DEFA6: variants seen among roughly 807,000 people sequenced by gnomAD.
DEFA6 encodes the protein defensin alpha 6.
Under a neutral mutation model 5.1 loss-of-function variants are expected in DEFA6, and 8 were observed. That is an observed-to-expected ratio of 1.57 (90% confidence interval 0.92 to 2.83). DEFA6 has a LOEUF of 2.83. DEFA6 is among the 30% of genes most tolerant of loss of function. The pLI, the probability that DEFA6 is intolerant of heterozygous loss-of-function variation, is 0.00. For synonymous variants in DEFA6, 74 were observed against 45.3 expected (o/e 1.63, Z -2.54); for missense variants, 191 against 119.1 (o/e 1.60, Z -2.81).
In DEFA6 at chr8:6,924,776, C is replaced by G; in HGVS notation, c.*42G>C. 1 of 1,414,534 alleles carries G rather than the reference C, an allele frequency of 7.1e-7. No individual in the cohort carries two copies. Among genetic ancestry groups the G allele is most frequent in the Non-Finnish European group, 9.9e-7 (1 of 1,012,196 alleles). The allele number at this position is 1,414,534 out of a possible 1,614,324, so 87.6% of individuals were successfully genotyped here. ...GACACACGACAGTTTCCTTCTAGGTCATAAAGTAAATTATGAATATATTTC... is the reference window on the plus strand; with the variant it reads ...GACACACGACAGTTTCCTTCTAGGTGATAAAGTAAATTATGAATATATTTC... On this transcript the variant is annotated 3_prime_UTR_variant, in exon 2 of 2. Coordinates refer to ENST00000297436, the MANE Select transcript of DEFA6 (RefSeq NM_001926.4).
Position 6,924,945 on chromosome 8 carries a change from G to T in DEFA6, c.194-18C>A. 2 of 1,564,130 alleles carry T rather than the reference G, an allele frequency of 1.3e-6. No homozygotes were observed. Among genetic ancestry groups the T allele is most frequent in the Non-Finnish European group, 1.8e-6 (2 of 1,138,134 alleles). On this transcript the variant is annotated intron_variant, in intron 1 of 1. Coordinates refer to ENST00000297436, the MANE Select transcript of DEFA6 (RefSeq NM_001926.4). ...TGTTGAGCCTGGGGACAGAGAGAGAGAGCATCAGAAATTGAGCACCAGGGT... is the reference window on the plus strand; with the variant it reads ...TGTTGAGCCTGGGGACAGAGAGAGATAGCATCAGAAATTGAGCACCAGGGT...
Position 6,925,999 on chromosome 8 carries a change from C to T in DEFA6, c.37G>A (p.Val13Met), listed in dbSNP as rs555539313. 2.8e-5 allele frequency: 45 copies of T among 1,613,034 alleles called. No homozygotes were observed. The highest frequency in any genetic ancestry group is 3.4e-5 in the Non-Finnish European group (40 of 1,179,654). ...TLTILTAVLLVALQAKAEPLQ... is the reference protein window; with the variant it reads ...TLTILTAVLLMALQAKAEPLQ... ...GGCTCAGCCTTGGCCTGGAGGGCCA[C>T]GAGGAGAACAGCAGTGAGGATGGTG... is the stretch of plus-strand genomic sequence containing the variant. Residue 13 changes from valine (V) to methionine (M), a missense_variant, in exon 1 of 2, where the codon GTG becomes ATG. Coordinates refer to ENST00000297436, the MANE Select transcript of DEFA6 (RefSeq NM_001926.4).
intron 1 of DEFA6, 46 bp downstream of exon 1, chr8:6,925,797 G>A: frequency 6.6e-7 from 1 of 1,522,204 alleles, no homozygotes; most frequent in South Asian, 1.3e-5. Flanking sequence ...GAAGTGCTTG[G>A]TTTTCCTCTC....
Position 6,924,857 on chromosome 8 carries a change from G to A in DEFA6, c.264C>T (p.Cys88=), listed in dbSNP as rs770892638. The stretch of plus-strand genomic sequence containing the variant: ...ATCTGTGGTTAATACCCATGACAGT[G>A]CAGGTCCCATAGGAATATTCTGTTG... ...CYSTEYSYGT[C]TVMGINHRFC... Residue 88 remains cysteine, a synonymous_variant, in exon 2 of 2, where the codon TGC becomes TGT. Coordinates refer to ENST00000297436, the MANE Select transcript of DEFA6 (RefSeq NM_001926.4). 1 of 1,611,578 alleles carries A rather than the reference G, an allele frequency of 6.2e-7. No individual in the cohort carries two copies. The highest frequency in any genetic ancestry group is 1.3e-5 in the African/African-American group (1 of 74,894).
Position 6,924,852 on chromosome 8 carries a change from A to T in DEFA6, c.269T>A (p.Val90Asp). 6.2e-7 allele frequency: 1 copy of T among 1,611,206 alleles called. No homozygotes were observed. The highest frequency in any genetic ancestry group is 8.5e-7 in the Non-Finnish European group (1 of 1,177,522). Residue 90 changes from valine (V) to aspartate (D), a missense_variant, in exon 2 of 2, where the codon GTC becomes GAC. Physicochemically the swap from Val to Asp is radical, Grantham distance 152. Coordinates refer to ENST00000297436, the MANE Select transcript of DEFA6 (RefSeq NM_001926.4). ...STEYSYGTCT[V>D]MGINHRFCCL ...GCAGAATCTGTGGTTAATACCCATG[A>T]CAGTGCAGGTCCCATAGGAATATTC...
chr8:6,925,301 A>T (rs1260152912), intron 1 of DEFA6, among the ~76,000 whole-genome samples: 2 of 152,152 alleles, frequency 1.3e-5, no homozygotes, highest in East Asian at 3.9e-4. Context: ...TGGGTTTATC[A>T]CAAGGTCAGG....
rs1808425534 is a variant in DEFA6 at position 6,926,008 on chromosome 8, C to T, written c.28G>A (p.Val10Ile). ...TTGGCCTGGAGGGCCACGAGGAGAACAGCAGTGAGGATGGTGAGGGTTCTC... is the reference window on the plus strand; with the variant it reads ...TTGGCCTGGAGGGCCACGAGGAGAATAGCAGTGAGGATGGTGAGGGTTCTC... The part of the protein sequence containing the change: MRTLTILTA[V>I]LLVALQAKAE... Residue 10 changes from valine (V) to isoleucine (I), a missense_variant, in exon 1 of 2, where the codon GTT (valine) becomes ATT (isoleucine). Coordinates refer to ENST00000297436, the MANE Select transcript of DEFA6 (RefSeq NM_001926.4). The T allele has an allele frequency of 1.9e-6, 3 of 1,612,556 alleles. No individual in the cohort carries two copies. The highest frequency in any genetic ancestry group is 2.5e-6 in the Non-Finnish European group (3 of 1,179,472).
Position 6,925,835 on chromosome 8 carries a change from T to G in DEFA6, c.193+8A>C. 1 of 1,603,592 alleles carries G rather than the reference T, an allele frequency of 6.2e-7. No homozygotes were observed. Among genetic ancestry groups the G allele is most frequent in the South Asian group, 1.1e-5 (1 of 88,906 alleles). On this transcript the variant is annotated splice_region_variant and intron_variant, in intron 1 of 1. Coordinates refer to ENST00000297436, the MANE Select transcript of DEFA6 (RefSeq NM_001926.4). ...CACTCCTAGCTCTGCAATGCTGGTG[T>G]CTCTTACCCAAAGCTCTAAGACTTG...
chr8:6,925,378 T>C (rs1299756849), intron 1 of DEFA6, among the ~76,000 whole-genome samples: 2 of 151,658 alleles, frequency 1.3e-5, no homozygotes, highest in Non-Finnish European at 2.9e-5. Flanking sequence ...AAATACAAAA[T>C]TTAGCCAGGC....
At chr8:6,925,578 C>G (rs1028487364) in intron 1 of DEFA6, among the ~76,000 whole-genome samples, 12 of 152,186 alleles carry the variant, frequency 7.9e-5, no homozygotes, top group African/African-American at 1.2e-4. Flanking sequence ...AAATTAGGCT[C>G]TCTTCCTTGA....
At chr8:6,925,627 T>C (rs1453691193) in intron 1 of DEFA6, among the ~76,000 whole-genome samples, 1 of 152,184 alleles carries the variant, frequency 6.6e-6, no homozygotes, top group Non-Finnish European at 1.5e-5. Flanking sequence ...TGGCAAAAAA[T>C]TAGAAAATTT....
At chr8:6,924,980 G>C in intron 1 of DEFA6, 53 bp from the exon 2 acceptor site, 1 of 1,219,038 alleles carries the variant, frequency 8.2e-7, no homozygotes, top group Non-Finnish European at 1.2e-6. Context: ...TCAGCAGCGG[G>C]CAGTAAAGAG....
rs773355681 is a variant in DEFA6, at chr8:6,925,988, C to T, written c.48G>A (p.Gln16=). The change falls in exon 1 of 2, where the codon CAG becomes CAA. Residue 16 remains glutamine, a synonymous_variant. Coordinates refer to ENST00000297436, the MANE Select transcript of DEFA6 (RefSeq NM_001926.4). Reference sequence around the variant, plus strand: ...CAGCTTGGAGTGGCTCAGCCTTGGCCTGGAGGGCCACGAGGAGAACAGCAG... The same window carrying T: ...CAGCTTGGAGTGGCTCAGCCTTGGCTTGGAGGGCCACGAGGAGAACAGCAG... ...ILTAVLLVAL[Q]AKAEPLQAED... The T allele has an allele frequency of 4.3e-6, 7 of 1,613,520 alleles. No homozygotes were observed. Among genetic ancestry groups the T allele is most frequent in the Non-Finnish European group, 8.5e-7 (1 of 1,179,872 alleles).
At chr8:6,924,951 C>T (rs773660947) in intron 1 of DEFA6, 24 bp from the exon 2 acceptor site, 1 of 1,522,902 alleles carries the variant, frequency 6.6e-7, no homozygotes, top group Non-Finnish European at 9.1e-7. Flanking sequence ...GAGAGAGCAT[C>T]AGAAATTGAG....
chr8:6,924,745 G>A lies in DEFA6; in HGVS notation c.*73C>T. The A allele has an allele frequency of 9.7e-7, 1 of 1,028,708 alleles. No homozygotes were observed. Among genetic ancestry groups the A allele is most frequent in the Admixed American group, 2.0e-5 (1 of 50,670 alleles). 63.7% of individuals were successfully genotyped at this position (1,028,708 alleles called of 1,614,324 possible). A position where few individuals can be genotyped will look rare whatever the true frequency, so the allele number is the denominator to read the frequency against. On this transcript the variant is annotated 3_prime_UTR_variant, in exon 2 of 2. Transcript: ENST00000297436. ...ATGAGGAAACAAAGTTGATGGCAAT[G>A]TATAGGACACACGACAGTTTCCTTC...
rs941815230 is a variant in DEFA6 at position 6,925,938 on chromosome 8, G to C, written c.98C>G (p.Ala33Gly). 9.3e-6 allele frequency: 15 copies of C among 1,613,952 alleles called. No homozygotes were observed. Among genetic ancestry groups the C allele is most frequent in the African/African-American group, 4.0e-5 (3 of 74,940 alleles). ...CTGCTCCTGGGCATCAGCCTCATAA[G>C]CTTTTGCCTGCAGTGGATCATCCTC... ...QAEDDPLQAK[A>G]YEADAQEQRG... Residue 33 changes from alanine to glycine, a missense_variant, in exon 1 of 2, where the codon GCT becomes GGT. Coordinates refer to ENST00000297436, the MANE Select transcript of DEFA6 (RefSeq NM_001926.4).
In DEFA6 at chr8:6,925,256, T is replaced by C. The variant is rs117544633; in HGVS notation, c.194-329A>G. Among the ~76,000 whole-genome samples, 925 of 152,254 alleles carry C rather than the reference T, an allele frequency of 6.1e-3. 8 individuals are homozygous for C. The highest frequency in any genetic ancestry group is 0.029 in the East Asian group (148 of 5,186). ...CCTTTAGCAGCTGGATGTGGTGGCT[T>C]ACGCCTGTAATCCCAGCACTTTGGG... On this transcript the variant is annotated intron_variant, in intron 1 of 1. Coordinates refer to ENST00000297436, the MANE Select transcript of DEFA6 (RefSeq NM_001926.4).
intron 1 of DEFA6, among the ~76,000 whole-genome samples, chr8:6,925,388 C>G (rs1808396012): frequency 6.6e-6 from 1 of 151,620 alleles, no homozygotes; most frequent in Non-Finnish European, 1.5e-5. Context: ...TTTAGCCAGG[C>G]TTGGTGTCTG....
chr8:6,925,348 G>A (rs999393954), intron 1 of DEFA6, among the ~76,000 whole-genome samples: 9 of 129,816 alleles, frequency 6.9e-5, no homozygotes, highest in African/African-American at 1.2e-4. Context: ...GTGAAACCCC[G>A]TCTCTACTGA....
Sources: allele counts gnomAD v4.1 joint callset (sites outside exome capture counted in the v4.1 genomes callset), GRCh38; gene constraint gnomAD v4.1.1; transcripts MANE v1.5; gene names NCBI Gene and HGNC (gene_info 2026-07-23, HGNC 2026-07-21).